Variants in CRMP1 observed in about 807,000 individuals in gnomAD.
The protein encoded by CRMP1 is collapsin response mediator protein 1.
A neutral mutation model predicts 68.3 loss-of-function variants in CRMP1; 19 were observed. The ratio of observed to expected loss-of-function variants is 0.28; its 90% CI spans 0.19 to 0.41. The LOEUF (loss-of-function observed/expected upper bound fraction) is 0.41, where lower values mean the gene tolerates loss of function less well. Among genes scored for constraint, CRMP1 ranks in the 10% least tolerant of loss-of-function variants. The pLI is 1.00. For synonymous variants in CRMP1, 439 were observed against 399.6 expected, an observed-to-expected ratio of 1.10 and a Z score of -1.18; for missense variants, 791 against 967.4, an observed-to-expected ratio of 0.82 and a Z score of 2.42.
rs1328382803 is a variant in CRMP1, at chr4:5,865,036, TGCCCCCAATACTCCACA to T, written c.470+1615_470+1631del. Among the ~76,000 whole-genome samples the T allele has an allele frequency of 6.6e-6, 1 of 151,868 alleles. No homozygotes were observed. Among genetic ancestry groups the T allele is most frequent in the Non-Finnish European group, 1.5e-5 (1 of 67,992 alleles). On this transcript the variant is annotated intron_variant, in intron 2 of 13. Coordinates refer to ENST00000324989, the MANE Select transcript of CRMP1 (RefSeq NM_001014809.3). The surrounding 1 kb of genome is among the most constrained non-coding windows in gnomAD (Gnocchi z 4.1). ...GATTTGCATATGTGGTCCCTTTCAA[TGCCCCCAATACTCCACA>T]GCCCCTTTCCCCCAGCCTCCTCCTC...
At chr4:5,876,725 G>A (rs569481723) in intron 1 of CRMP1, among the ~76,000 whole-genome samples, 53 of 152,186 alleles carry the variant, frequency 3.5e-4, no homozygotes, top group African/African-American at 1.1e-3. Context: ...CAAGATGATC[G>A]GTAGGCATAT....
At chr4:5,829,609 G>A (rs1462826127) in intron 11 of CRMP1, among the ~76,000 whole-genome samples, 1 of 152,176 alleles carries the variant, frequency 6.6e-6, no homozygotes, top group African/African-American at 2.4e-5. Context: ...AGTTTCTTCT[G>A]TATCTCTAAG....
At position 5,836,537 on chromosome 4, in the gene CRMP1, A is replaced by G. The variant is rs535155596; in HGVS notation, c.1452+228T>C. 1.8e-4 allele frequency among the ~76,000 whole-genome samples: 28 copies of G among 152,282 alleles called. No individual in the cohort carries two copies. The South Asian group carries it at 3.3e-3, about 18-fold the overall frequency. ...GAGAAACAAAACAAAACATTTTTCAATCTTAAGATGTAAAGGACAAGGGTG... is the reference window on the plus strand; with the variant it reads ...GAGAAACAAAACAAAACATTTTTCAGTCTTAAGATGTAAAGGACAAGGGTG... On this transcript the variant is annotated intron_variant, in intron 10 of 13. Coordinates refer to ENST00000324989, the MANE Select transcript of CRMP1 (RefSeq NM_001014809.3).
chr4:5,887,302 C>G, intron 1 of CRMP1: 1 of 959,332 alleles, frequency 1.0e-6, no homozygotes, highest in Non-Finnish European at 1.2e-6. Context: ...CAGGCTGGGT[C>G]TCCAGTAGTC....
In CRMP1 at chr4:5,866,421, GA is replaced by G. The variant is rs1211692120; in HGVS notation, c.470+246del. On this transcript the variant is annotated intron_variant, in intron 2 of 13. Transcript: ENST00000324989. This position sits in a 1 kb window ranked among gnomAD's most constrained non-coding sequence, Gnocchi z 5.9. ...TGTCTGCATTTTGCAGCCTTTGTGT[GA>G]GCATTGCAAGAGAGGAGCTGCCTCA... Among the ~76,000 whole-genome samples, 2 of 152,214 alleles carry G rather than the reference GA, an allele frequency of 1.3e-5. No individual in the cohort carries two copies. The highest frequency in any genetic ancestry group is 2.4e-5 in the African/African-American group (1 of 41,450).
rs1302679402 is a variant in CRMP1 at position 5,861,525 on chromosome 4, A to T, written c.471-315T>A. Among the ~76,000 whole-genome samples the T allele has an allele frequency of 1.3e-5, 2 of 152,122 alleles. No individual in the cohort carries two copies. Among genetic ancestry groups the T allele is most frequent in the African/African-American group, 4.8e-5 (2 of 41,434 alleles). On this transcript the variant is annotated intron_variant, in intron 2 of 13. Transcript: ENST00000324989. This position sits in a 1 kb window ranked among gnomAD's most constrained non-coding sequence, Gnocchi z 6.0. ...GGGGTGGCAGAGCTGAATCCAACAG[A>T]AGTGAGCCCAGCATGATGCATGTGC...
In CRMP1 at chr4:5,860,473, A is replaced by C. The variant is rs1713464212; in HGVS notation, c.655+553T>G. ...GGGCTGTTTGTTACGCGGTGTTATC[A>C]CAGTATTACTGCAGCAATACTAATA... is the stretch of plus-strand genomic sequence containing the variant. On this transcript the variant is annotated intron_variant, in intron 3 of 13. Coordinates refer to ENST00000324989, the MANE Select transcript of CRMP1 (RefSeq NM_001014809.3). The surrounding 1 kb of genome is among the most constrained non-coding windows in gnomAD (Gnocchi z 4.2). Among the ~76,000 whole-genome samples, 1 of 152,190 alleles carries C rather than the reference A, an allele frequency of 6.6e-6. No individual in the cohort carries two copies. The highest frequency in any genetic ancestry group is 1.5e-5 in the Non-Finnish European group (1 of 68,032).
At position 5,853,948 on chromosome 4, in the gene CRMP1, G is replaced by A. The variant is rs1178824443; in HGVS notation, c.820+2195C>T. 2.0e-5 allele frequency among the ~76,000 whole-genome samples: 3 copies of A among 152,214 alleles called. No individual in the cohort carries two copies. Among genetic ancestry groups the A allele is most frequent in the African/African-American group, 7.2e-5 (3 of 41,462 alleles). On this transcript the variant is annotated intron_variant, in intron 4 of 13. Coordinates refer to ENST00000324989, the MANE Select transcript of CRMP1 (RefSeq NM_001014809.3). This position sits in a 1 kb window ranked among gnomAD's most constrained non-coding sequence, Gnocchi z 4.7. The stretch of plus-strand genomic sequence containing the variant: ...ACCTGAGCACCATCGCCATTCGCCT[G>A]CTGGTGACCCAGCCCAGATGCGCAC...
Position 5,825,792 on chromosome 4 carries a change from C to A in CRMP1, c.1804-133G>T. 1 of 799,234 alleles carries A rather than the reference C, an allele frequency of 1.3e-6. No individual in the cohort carries two copies. Among genetic ancestry groups the A allele is most frequent in the Non-Finnish European group, 2.0e-6 (1 of 502,302 alleles). 49.5% of individuals were successfully genotyped at this position (799,234 alleles called of 1,614,324 possible). The stretch of plus-strand genomic sequence containing the variant: ...AATGTGCATGCACACACACACACAA[C>A]ACGCACACACGACAGGTGCACTTCA... On this transcript the variant is annotated intron_variant, in intron 12 of 13. Transcript: ENST00000324989. The surrounding 1 kb of genome is among the most constrained non-coding windows in gnomAD (Gnocchi z 4.4).
chr4:5,821,706 G>A lies in CRMP1; in HGVS notation c.*54C>T, dbSNP rs765559945. 1 of 1,502,524 alleles carries A rather than the reference G, an allele frequency of 6.7e-7. No individual in the cohort carries two copies. The highest frequency in any genetic ancestry group is 9.1e-7 in the Non-Finnish European group (1 of 1,100,430). The allele number at this position is 1,502,524 out of a possible 1,614,324, so 93.1% of individuals were successfully genotyped here. A position where few individuals can be genotyped will look rare whatever the true frequency, so the allele number is the denominator to read the frequency against. ...GGTTTCAAAAACACTGACAGGAAAA[G>A]GGATGGACATGATTCCCAGAATCCT... is the stretch of plus-strand genomic sequence containing the variant. On this transcript the variant is annotated 3_prime_UTR_variant, in exon 14 of 14. Transcript: ENST00000324989. The surrounding 1 kb of genome is among the most constrained non-coding windows in gnomAD (Gnocchi z 4.4).
chr4:5,891,211 CA>C lies in CRMP1; in HGVS notation c.381+1377del, dbSNP rs1182641867. 1.1e-4 allele frequency among the ~76,000 whole-genome samples: 16 copies of C among 151,504 alleles called. No individual in the cohort carries two copies. Among genetic ancestry groups the C allele is most frequent in the African/African-American group, 3.4e-4 (14 of 41,164 alleles). On this transcript the variant is annotated intron_variant, in intron 1 of 13. Coordinates refer to ENST00000324989, the MANE Select transcript of CRMP1 (RefSeq NM_001014809.3). This position sits in a 1 kb window ranked among gnomAD's most constrained non-coding sequence, Gnocchi z 5.2. The stretch of plus-strand genomic sequence containing the variant: ...ACACACACACACACACACACACACA[CA>C]CCCTTGCTGTTGGACCTCTCCCTCG...
Position 5,879,170 on chromosome 4 carries a change from G to A in CRMP1, c.382-12414C>T, listed in dbSNP as rs998134039. 1.9e-5 allele frequency among the ~76,000 whole-genome samples: 2 copies of A among 103,330 alleles called. No homozygotes were observed. The highest frequency in any genetic ancestry group is 6.4e-5 in the African/African-American group (2 of 31,184). The allele number at this position is 103,330 out of a possible 152,430, so 67.8% of individuals were successfully genotyped here. A position where few individuals can be genotyped will look rare whatever the true frequency, so the allele number is the denominator to read the frequency against. ...CCCGGCCTGAGCCCGGCCCTCTCTCGGCCGCGCCCCACCACATCTATCTAC... is the reference window on the plus strand; with the variant it reads ...CCCGGCCTGAGCCCGGCCCTCTCTCAGCCGCGCCCCACCACATCTATCTAC... On this transcript the variant is annotated intron_variant, in intron 1 of 13. Transcript: ENST00000324989. The surrounding 1 kb of genome is among the most constrained non-coding windows in gnomAD (Gnocchi z 4.2).
intron 8 of CRMP1, 46 bp from the exon 9 acceptor site, chr4:5,839,724 T>G (rs769779334): frequency 9.6e-6 from 15 of 1,556,462 alleles, no homozygotes; most frequent in Non-Finnish European, 1.3e-5. Flanking sequence ...AATACTCTCT[T>G]GAGGCAGATG....
Position 5,839,556 on chromosome 4 carries a change from T to G in CRMP1, c.1276A>C (p.Thr426Pro). ...VTSPPLSPDP[T>P]TPDYLTSLLA... ...AGGGAGGTCAAGTAGTCGGGCGTGGTAGGGTCCGGGCTCAGGGGAGGGGAA... is the reference window on the plus strand; with the variant it reads ...AGGGAGGTCAAGTAGTCGGGCGTGGGAGGGTCCGGGCTCAGGGGAGGGGAA... Residue 426 changes from threonine (T) to proline (P), a missense_variant, in exon 9 of 14, where the codon ACC becomes CCC. Physicochemically the swap from Thr to Pro is conservative, Grantham distance 38. This residue lies in a region of CRMP1 where 594 missense variants were observed against 763.6 expected (regional missense o/e 0.78). Coordinates refer to ENST00000324989, the MANE Select transcript of CRMP1 (RefSeq NM_001014809.3). 4.3e-6 allele frequency: 7 copies of G among 1,611,600 alleles called. No homozygotes were observed. Among genetic ancestry groups the G allele is most frequent in the Non-Finnish European group, 5.9e-6 (7 of 1,178,986 alleles).
rs1206535629 is a variant in CRMP1, at chr4:5,842,634, ACACG to A, written c.1032+455_1032+458del. Among the ~76,000 whole-genome samples, 1 of 151,082 alleles carries A rather than the reference ACACG, an allele frequency of 6.6e-6. No individual in the cohort carries two copies. Among genetic ancestry groups the A allele is most frequent in the Non-Finnish European group, 1.5e-5 (1 of 67,780 alleles). The stretch of plus-strand genomic sequence containing the variant: ...CACACACACTCACTCACACACACAC[ACACG>A]CACTGTCTCTCTCACACACACACAC... On this transcript the variant is annotated intron_variant, in intron 7 of 13. Transcript: ENST00000324989. The surrounding 1 kb of genome is among the most constrained non-coding windows in gnomAD (Gnocchi z 4.5).
chr4:5,830,670 T>G (rs756863391), intron 11 of CRMP1, among the ~76,000 whole-genome samples: 2 of 152,232 alleles, frequency 1.3e-5, no homozygotes, highest in Non-Finnish European at 2.9e-5. Flanking sequence ...TGGCTCTCTT[T>G]TCTTGTACCC....
chr4:5,851,798 GGAAGAGGAGGAAAAA>G (rs1389320697), intron 4 of CRMP1, among the ~76,000 whole-genome samples: 2 of 149,552 alleles, frequency 1.3e-5, no homozygotes, highest in South Asian at 2.1e-4. Flanking sequence ...AGGAGGAAGA[GGAAGAGGAGGAAAAA>G]GAAGAGGAGG....
intron 11 of CRMP1, 142 bp downstream of exon 11, chr4:5,835,773 G>T: frequency 9.9e-7 from 1 of 1,005,336 alleles, no homozygotes; most frequent in Non-Finnish European, 1.3e-6. Context: ...TCCAACTGGA[G>T]GAGAAATGGG....
In CRMP1 at chr4:5,879,873, G is replaced by A. The variant is rs187436962; in HGVS notation, c.381+12716C>T. On this transcript the variant is annotated intron_variant, in intron 1 of 13. Coordinates refer to ENST00000324989, the MANE Select transcript of CRMP1 (RefSeq NM_001014809.3). The surrounding 1 kb of genome is among the most constrained non-coding windows in gnomAD (Gnocchi z 4.2). ...AATATAGCAAAAAAAAAAATGAGAC[G>A]AAAGGAAAGGAAAATGAAAGAAAGT... Among the ~76,000 whole-genome samples the A allele has an allele frequency of 9.2e-4, 139 of 151,000 alleles. No individual in the cohort carries two copies. Among genetic ancestry groups the A allele is most frequent in the Non-Finnish European group, 1.8e-3 (122 of 67,974 alleles).
Sources: allele counts gnomAD v4.1 joint callset (sites outside exome capture counted in the v4.1 genomes callset), GRCh38; gene constraint gnomAD v4.1.1; regional missense constraint gnomAD v4.1.1; non-coding constraint Gnocchi (gnomAD v3.1); transcripts MANE v1.5; gene names NCBI Gene and HGNC (gene_info 2026-07-23, HGNC 2026-07-21).